Variants in NTNG1 observed in about 807,000 individuals in gnomAD.
NTNG1 encodes netrin-G1.
NTNG1 carries 16 observed loss-of-function variants against 54.0 expected under a neutral mutation model. That is an observed-to-expected ratio of 0.30 (90% CI 0.20 to 0.45). NTNG1 has a LOEUF of 0.45. Ranked by LOEUF, NTNG1 falls within the 20% of genes least tolerant of loss-of-function variation. NTNG1 has a pLI of 1.00. For synonymous variants in NTNG1, 255 were observed against 263.1 expected, an observed-to-expected ratio of 0.97 and a Z score of 0.30; for missense variants, 530 against 678.7, an observed-to-expected ratio of 0.78 and a Z score of 2.43.
intron 2 of NTNG1, among the ~76,000 whole-genome samples, chr1:107,298,774 G>A (rs1346225987): frequency 6.6e-6 from 1 of 152,124 alleles, no homozygotes; most frequent in Non-Finnish European, 1.5e-5. Flanking sequence ...GACTGAACAA[G>A]GGCAACCCCT....
At chr1:107,184,515 A>G (rs1400009012) in intron 2 of NTNG1, among the ~76,000 whole-genome samples, 1 of 152,030 alleles carries the variant, frequency 6.6e-6, no homozygotes, top group Non-Finnish European at 1.5e-5. Context: ...CACCCCCTTC[A>G]TTTTATGGTG....
intron 5 of NTNG1, among the ~76,000 whole-genome samples, chr1:107,427,150 T>C (rs1419106673): frequency 2.6e-5 from 4 of 152,118 alleles, no homozygotes; most frequent in African/African-American, 9.7e-5. Flanking sequence ...TTTCCTCTTT[T>C]CCAATTTGAA....
Position 107,355,332 on chromosome 1 carries a change from G to A in NTNG1, c.887+30410G>A, listed in dbSNP as rs551619399. Among the ~76,000 whole-genome samples, 7 of 150,774 alleles carry A rather than the reference G, an allele frequency of 4.6e-5. 1 individual carries two copies. In the East Asian group the frequency reaches 1.2e-3, roughly 26 times the overall value. On this transcript the variant is annotated intron_variant, in intron 3 of 7. Transcript: ENST00000370068. ...CTTTTTCCACTGATTCTCACATAAG[G>A]CAGTAGTTTTCTGCTAGCTTTGTGA...
chr1:107,222,165 G>A (rs984574504), intron 2 of NTNG1, among the ~76,000 whole-genome samples: 7 of 151,670 alleles, frequency 4.6e-5, no homozygotes, highest in Admixed American at 2.0e-4. Flanking sequence ...CACTCTAGCC[G>A]GCAAATCTGG....
chr1:107,262,898 C>T (rs561128720), intron 2 of NTNG1, among the ~76,000 whole-genome samples: 2 of 152,256 alleles, frequency 1.3e-5, no homozygotes, highest in South Asian at 4.2e-4. Context: ...TTATTCTTAG[C>T]CGTGAACATC....
chr1:107,439,195 G>A (rs1167397144), intron 7 of NTNG1, among the ~76,000 whole-genome samples: 2 of 152,064 alleles, frequency 1.3e-5, no homozygotes, highest in African/African-American at 4.8e-5. Flanking sequence ...ATGTAGTTAA[G>A]CACTAAAGGA....
intron 2 of NTNG1, among the ~76,000 whole-genome samples, chr1:107,319,691 CT>C (rs1158911130): frequency 2.0e-5 from 3 of 152,064 alleles, no homozygotes; most frequent in African/African-American, 7.2e-5. Context: ...CTCACATTCA[CT>C]TGTGTACATG....
chr1:107,238,817 C>T (rs1386881238), intron 2 of NTNG1, among the ~76,000 whole-genome samples: 1 of 151,566 alleles, frequency 6.6e-6, no homozygotes, highest in Non-Finnish European at 1.5e-5. Flanking sequence ...GTAAATTGCC[C>T]ACTCTCGGGT....
chr1:107,199,736 T>A (rs1020659060), intron 2 of NTNG1, among the ~76,000 whole-genome samples: 5 of 151,940 alleles, frequency 3.3e-5, no homozygotes, highest in African/African-American at 9.7e-5. Context: ...GCGTAGATAC[T>A]TCAAAATTAC....
rs1253607890 is a variant in NTNG1 at position 107,484,512 on chromosome 1, TG to T, written c.*3676del. 6.6e-6 allele frequency among the ~76,000 whole-genome samples: 1 copy of T among 152,182 alleles called. No homozygotes were observed. The highest frequency in any genetic ancestry group is 1.9e-4 in the East Asian group (1 of 5,180). On this transcript the variant is annotated 3_prime_UTR_variant, in exon 8 of 8. Transcript: ENST00000370068. ...TTTTGCACAAGATCCTGCAGACATT[TG>T]GGGTCGATCTGCCTGAGGTGCCCTT...
At chr1:107,470,954 C>T (rs1194001983) in intron 7 of NTNG1, among the ~76,000 whole-genome samples, 1 of 152,128 alleles carries the variant, frequency 6.6e-6, no homozygotes. Context: ...GATGTTTGGG[C>T]AGGGCCTCCT....
intron 2 of NTNG1, among the ~76,000 whole-genome samples, chr1:107,308,534 A>G (rs1253697234): frequency 6.6e-6 from 1 of 152,144 alleles, no homozygotes; most frequent in Non-Finnish European, 1.5e-5. Flanking sequence ...CACCAGTGCC[A>G]TACTGTTTTG....
chr1:107,163,094 G>A (rs1335526241), intron 2 of NTNG1, among the ~76,000 whole-genome samples: 1 of 152,156 alleles, frequency 6.6e-6, no homozygotes, highest in East Asian at 1.9e-4. Flanking sequence ...TCTTTTAAAA[G>A]TAGCAATGAT....
chr1:107,469,111 A>AC (rs1280066593), intron 7 of NTNG1, among the ~76,000 whole-genome samples: 1 of 151,774 alleles, frequency 6.6e-6, no homozygotes, highest in Non-Finnish European at 1.5e-5. Context: ...AAAAAAAAAA[A>AC]AAAACAACGA....
intron 2 of NTNG1, among the ~76,000 whole-genome samples, chr1:107,227,686 T>TCACA (rs1660782339): frequency 6.7e-6 from 1 of 149,612 alleles, no homozygotes; most frequent in Non-Finnish European, 1.5e-5. Flanking sequence ...TCTCTCTCTC[T>TCACA]CTCACACACA....
chr1:107,430,954 C>T, intron 6 of NTNG1, 37 bp downstream of exon 6: 1 of 1,598,466 alleles, frequency 6.3e-7, no homozygotes, highest in South Asian at 1.1e-5. Context: ...TCTTCTGTGC[C>T]TTTTGAGCTA....
chr1:107,360,134 T>C (rs1670177358), intron 3 of NTNG1, among the ~76,000 whole-genome samples: 1 of 152,162 alleles, frequency 6.6e-6, no homozygotes, highest in Non-Finnish European at 1.5e-5. Flanking sequence ...CTCAAACATA[T>C]TGATTAGAAA....
intron 7 of NTNG1, among the ~76,000 whole-genome samples, chr1:107,473,779 C>T (rs1432022937): frequency 6.6e-6 from 1 of 152,160 alleles, no homozygotes; most frequent in Non-Finnish European, 1.5e-5. Context: ...TTGTGGCTTG[C>T]TTGCTAAAGC....
intron 3 of NTNG1, among the ~76,000 whole-genome samples, chr1:107,368,877 A>G (rs1265687909): frequency 6.6e-6 from 1 of 152,208 alleles, no homozygotes; most frequent in Non-Finnish European, 1.5e-5. Flanking sequence ...GAAATGTACA[A>G]TTTGATATGT....
Sources: allele counts gnomAD v4.1 joint callset (sites outside exome capture counted in the v4.1 genomes callset), GRCh38; gene constraint gnomAD v4.1.1; transcripts MANE v1.5; gene names NCBI Gene and HGNC (gene_info 2026-07-23, HGNC 2026-07-21).